MDN1: variants seen among roughly 807,000 people sequenced by gnomAD.
MDN1 encodes the protein midasin AAA ATPase 1.
In MDN1, 266 loss-of-function variants were observed where a neutral mutation model predicts 669.2. The ratio of observed to expected loss-of-function variants is 0.40; its 90% CI spans 0.36 to 0.44. MDN1 has a LOEUF of 0.44. MDN1 is among the 20% of genes least tolerant of loss of function. The probability of loss-of-function intolerance (pLI) is 1.00; values close to 1 mark genes in which losing one functional copy is unlikely to be tolerated. For missense variants in MDN1, 5,940 were observed against 6,754.0 expected, an observed-to-expected ratio of 0.88 and a Z score of 4.22; for synonymous variants, 2,385 against 2,457.1, an observed-to-expected ratio of 0.97 and a Z score of 0.87.
At chr6:89,672,129 A>C in intron 82 of MDN1, 71 bp downstream of exon 82, 2 of 1,441,880 alleles carry the variant, frequency 1.4e-6, no homozygotes, top group Non-Finnish European at 9.1e-7. Context: ...ACGTGGAGGG[A>C]AGTAAAGCCC....
rs753100879 is a variant in MDN1, at chr6:89,794,638, C to T, written c.493G>A (p.Glu165Lys). The change falls in exon 3 of 102, where the codon GAG becomes AAG. Residue 165 changes from glutamate (E) to lysine (K), a missense_variant. Glu to Lys is a moderately conservative substitution (Grantham distance 56). Around this residue, in one of 5 missense-constraint regions of MDN1, gnomAD observed 1,203 missense variants for 1,268.9 expected, o/e 0.95. Coordinates refer to ENST00000369393, the MANE Select transcript of MDN1 (RefSeq NM_014611.3). The part of the protein sequence containing the change: ...FLQQEQSVFR[E>K]LWDWSVCVPL... ...ACACACACACTCCAGTCCCAGAGCT[C>T]CCGGAACACAGACTGCTCCTGCTGC... The T allele has an allele frequency of 2.5e-6, 4 of 1,613,988 alleles. No individual in the cohort carries two copies. The highest frequency in any genetic ancestry group is 3.4e-6 in the Non-Finnish European group (4 of 1,180,032).
Position 89,819,573 on chromosome 6 carries a change from G to C in MDN1, c.35C>G (p.Pro12Arg). 1 of 1,603,158 alleles carries C rather than the reference G, an allele frequency of 6.2e-7. No homozygotes were observed. Among genetic ancestry groups the C allele is most frequent in the Non-Finnish European group, 8.5e-7 (1 of 1,179,954 alleles). The change falls in exon 1 of 102, where the codon CCG (proline) becomes CGG (arginine). Residue 12 changes from proline (P) to arginine (R), a missense_variant. Coordinates refer to ENST00000369393, the MANE Select transcript of MDN1 (RefSeq NM_014611.3). The stretch of plus-strand genomic sequence containing the variant: ...GTTCTTGGCTGCGATTAACCGCAGC[G>C]GCGCGGCTGCCACCTCCAGCAAGAA... Reference protein sequence around the residue: ...EHFLLEVAAAPLRLIAAKNEK... With the variant: ...EHFLLEVAAARLRLIAAKNEK...
At chr6:89,647,932 G>A (rs1808591510) in intron 99 of MDN1, 100 bp downstream of exon 99, 6 of 893,250 alleles carry the variant, frequency 6.7e-6, no homozygotes, top group African/African-American at 1.7e-5. Context: ...TAGCCTGGGT[G>A]ACAGAACAAG....
chr6:89,718,353 C>A lies in MDN1; in HGVS notation c.6583+13G>T. 1 of 1,610,762 alleles carries A rather than the reference C, an allele frequency of 6.2e-7. No individual in the cohort carries two copies. The highest frequency in any genetic ancestry group is 1.7e-5 in the Admixed American group (1 of 59,968). On this transcript the variant is annotated intron_variant, in intron 43 of 101. Coordinates refer to ENST00000369393, the MANE Select transcript of MDN1 (RefSeq NM_014611.3). The stretch of plus-strand genomic sequence containing the variant: ...ATGGTAAGTTCCTGATACAGAGATC[C>A]AAATATACATACCTGCCTTGCAGTA...
At chr6:89,650,643 T>G in intron 96 of MDN1, 89 bp downstream of exon 96, 2 of 968,382 alleles carry the variant, frequency 2.1e-6, no homozygotes, top group South Asian at 3.0e-5. Flanking sequence ...AAGCTGGCAC[T>G]ATAAATGGTT....
chr6:89,725,206 A>T lies in MDN1; in HGVS notation c.5663T>A (p.Phe1888Tyr), dbSNP rs1382557804. 4 of 1,613,944 alleles carry T rather than the reference A, an allele frequency of 2.5e-6. No homozygotes were observed. The highest frequency in any genetic ancestry group is 3.4e-6 in the Non-Finnish European group (4 of 1,179,892). Residue 1888 changes from phenylalanine (F) to tyrosine (Y), a missense_variant, in exon 38 of 102, where the codon TTC (phenylalanine) becomes TAC (tyrosine). Around this residue, in one of 5 missense-constraint regions of MDN1, gnomAD observed 2,292 missense variants for 2,638.3 expected, o/e 0.87. Coordinates refer to ENST00000369393, the MANE Select transcript of MDN1 (RefSeq NM_014611.3). ...GGCAACAGCAAATCTTACCTGAGTGAATCTGTTAAGGAAAGACCTGGGCAA... is the reference window on the plus strand; with the variant it reads ...GGCAACAGCAAATCTTACCTGAGTGTATCTGTTAAGGAAAGACCTGGGCAA... Reference protein sequence around the residue: ...KGLPRSFLNRFTQVFVDPLTV... With the variant: ...KGLPRSFLNRYTQVFVDPLTV...
Position 89,796,339 on chromosome 6 carries a change from A to AC in MDN1, c.330-1539_330-1538insG, listed in dbSNP as rs1488826656. Among the ~76,000 whole-genome samples, 90 of 108,956 alleles carry AC rather than the reference A, an allele frequency of 8.3e-4. 1 individual carries two copies. The highest frequency in any genetic ancestry group is 1.0e-3 in the Non-Finnish European group (47 of 46,720). The allele number at this position is 108,956 out of a possible 152,430, so 71.5% of individuals were successfully genotyped here. The stretch of plus-strand genomic sequence containing the variant: ...AACTCTGTCTCAAAAAAAAAAAAAA[A>AC]AAAAAAAAAAACAAAAAAAAAAACC... On this transcript the variant is annotated intron_variant, in intron 2 of 101. Transcript: ENST00000369393.
intron 5 of MDN1, among the ~76,000 whole-genome samples, chr6:89,790,915 C>T (rs963572887): frequency 6.6e-6 from 1 of 152,126 alleles, no homozygotes; most frequent in African/African-American, 2.4e-5. Context: ...CCCAGCTACT[C>T]GGGAAGCTAA....
intron 100 of MDN1, among the ~76,000 whole-genome samples, chr6:89,646,037 C>G (rs1455356509): frequency 6.6e-6 from 1 of 152,174 alleles, no homozygotes; most frequent in African/African-American, 2.4e-5. Context: ...CCCCCTCACC[C>G]CCAGTATACC....
In MDN1 at chr6:89,758,324, C is replaced by T. The variant is rs377387967; in HGVS notation, c.2633G>A (p.Arg878His). The change falls in exon 19 of 102, where the codon CGT becomes CAT. Residue 878 changes from arginine (R) to histidine (H), a missense_variant. By Grantham distance (29) the Arg-to-His change is conservative. Coordinates refer to ENST00000369393, the MANE Select transcript of MDN1 (RefSeq NM_014611.3). ...TEPLVRHPDF[R>H]LFACMNPATD... ...TGCTGGATTCATACAGGCAAATAAA[C>T]GGAAGTCAGGATGCCGAACCAGTGG... The T allele has an allele frequency of 3.0e-5, 49 of 1,611,158 alleles. No individual in the cohort carries two copies. The highest frequency in any genetic ancestry group is 2.0e-4 in the East Asian group (9 of 44,854).
Position 89,673,360 on chromosome 6 carries a change from A to C in MDN1, c.13350T>G (p.Val4450=). ...ESLFILPGME[V]EQRDSQMALV... ...GTGCCATTTGTGAGTCTCTTTGCTCAACCTCCATCCCTGGAAGAATGAACA... is the reference window on the plus strand; with the variant it reads ...GTGCCATTTGTGAGTCTCTTTGCTCCACCTCCATCCCTGGAAGAATGAACA... The change falls in exon 80 of 102, where the codon GTT becomes GTG. Residue 4450 remains valine (V), a synonymous_variant. Coordinates refer to ENST00000369393, the MANE Select transcript of MDN1 (RefSeq NM_014611.3). 1 of 1,614,206 alleles carries C rather than the reference A, an allele frequency of 6.2e-7. No homozygotes were observed. The highest frequency in any genetic ancestry group is 1.7e-5 in the Admixed American group (1 of 60,026).
intron 100 of MDN1, among the ~76,000 whole-genome samples, chr6:89,645,490 T>C (rs1249519523): frequency 2.0e-5 from 3 of 152,238 alleles, no homozygotes; most frequent in African/African-American, 7.2e-5. Context: ...ATTAAAACAC[T>C]AGTTTATGGC....
chr6:89,819,428 T>G, intron 1 of MDN1, 78 bp downstream of exon 1: 1 of 1,301,432 alleles, frequency 7.7e-7, no homozygotes, highest in Non-Finnish European at 1.1e-6. Context: ...GCGGCGAGTA[T>G]CGGCGGGGGA....
chr6:89,739,951 C>T (rs1245304800), intron 32 of MDN1, among the ~76,000 whole-genome samples: 5 of 152,196 alleles, frequency 3.3e-5, no homozygotes, highest in South Asian at 2.1e-4. Flanking sequence ...TGCAGAGCTC[C>T]TGTGAGCTTT....
intron 9 of MDN1, among the ~76,000 whole-genome samples, chr6:89,783,277 C>T (rs923396967): frequency 3.3e-5 from 5 of 151,894 alleles, no homozygotes; most frequent in African/African-American, 1.2e-4. Context: ...AATGCATTCC[C>T]GGGGGGGAGG....
chr6:89,689,992 A>C lies in MDN1; in HGVS notation c.10901T>G (p.Phe3634Cys), dbSNP rs201772970. The change falls in exon 65 of 102, where the codon TTT becomes TGT. Residue 3634 changes from phenylalanine (F) to cysteine (C), a missense_variant. By Grantham distance (205) the Phe-to-Cys change is radical. Around this residue, in one of 5 missense-constraint regions of MDN1, gnomAD observed 2,280 missense variants for 2,576.3 expected, o/e 0.88. Coordinates refer to ENST00000369393, the MANE Select transcript of MDN1 (RefSeq NM_014611.3). ...CTGTTGATACCAGAGGGATCGAGCA[A>C]AGTTGAGACACAATTGCTGGTGTAT... is the stretch of plus-strand genomic sequence containing the variant. ...MLIHQQLCLN[F>C]ARSLWYQQTL... 1 of 1,614,184 alleles carries C rather than the reference A, an allele frequency of 6.2e-7. No individual in the cohort carries two copies. Among genetic ancestry groups the C allele is most frequent in the Admixed American group, 1.7e-5 (1 of 60,022 alleles).
chr6:89,748,042 T>G (rs992416026), intron 26 of MDN1, among the ~76,000 whole-genome samples: 2 of 151,554 alleles, frequency 1.3e-5, no homozygotes, highest in African/African-American at 2.4e-5. Context: ...TTAATAGTAA[T>G]GCAAATGGGC....
rs1336691599 is a variant in MDN1, at chr6:89,712,679, AGCTGAGG to A, written c.7319_7325del (p.Pro2440LeufsTer20). On this transcript the variant is annotated frameshift_variant, in exon 48 of 102. Transcript: ENST00000369393. LOFTEE classifies it high-confidence loss of function. Reference sequence around the variant, plus strand: ...GGTGTGAATCTTCAGTAGCAAAGAGAGCTGAGGGCACAGAATCTGGCCACAGTCCCAT... The same window carrying A: ...GGTGTGAATCTTCAGTAGCAAAGAGAGCACAGAATCTGGCCACAGTCCCAT... The A allele has an allele frequency of 5.6e-6, 9 of 1,614,082 alleles. No homozygotes were observed. The highest frequency in any genetic ancestry group is 7.6e-6 in the Non-Finnish European group (9 of 1,179,948).
chr6:89,670,166 A>ATTTTTT (rs1482501704), intron 83 of MDN1, among the ~76,000 whole-genome samples: 6 of 17,714 alleles, frequency 3.4e-4, no homozygotes, highest in South Asian at 5.7e-3. Flanking sequence ...ATATATATAT[A>ATTTTTT]TATATTTTTT....
Sources: gnomAD v4.1 joint callset for allele counts (sites outside exome capture counted in the v4.1 genomes callset) on GRCh38, gnomAD v4.1.1 for gene constraint, gnomAD v4.1.1 regional missense constraint, MANE v1.5 for transcripts, NCBI Gene and HGNC (gene_info 2026-07-23, HGNC 2026-07-21) for gene names.